MPP7: variants seen among roughly 807,000 people sequenced by gnomAD.
MPP7 encodes the protein MAGUK p55 scaffold protein 7.
A neutral mutation model predicts 76.5 loss-of-function variants in MPP7; 60 were observed. The ratio of observed to expected loss-of-function variants is 0.78; its 90% CI spans 0.64 to 0.97. The LOEUF is 0.97. Ranked by LOEUF, MPP7 falls within the 50% of genes least tolerant of loss-of-function variation. The probability of loss-of-function intolerance (pLI) is 0.00; values close to 1 mark genes in which losing one functional copy is unlikely to be tolerated. For missense variants in MPP7, 641 were observed against 694.0 expected (o/e 0.92, Z 0.86); for synonymous variants, 237 against 244.5 (o/e 0.97, Z 0.29).
At chr10:28,246,307 G>A (rs1348030242) in intron 1 of MPP7, among the ~76,000 whole-genome samples, 1 of 149,054 alleles carries the variant, frequency 6.7e-6, no homozygotes, top group African/African-American at 2.5e-5. Flanking sequence ...TCAAAGTGGT[G>A]AAAAAAAAAA....
chr10:28,148,401 G>A (rs941260854), intron 4 of MPP7, among the ~76,000 whole-genome samples: 2 of 152,054 alleles, frequency 1.3e-5, no homozygotes, highest in African/African-American at 2.4e-5. Context: ...TATGAAATAC[G>A]TGGCATATGT....
intron 1 of MPP7, among the ~76,000 whole-genome samples, chr10:28,273,993 C>T (rs989566673): frequency 6.6e-6 from 1 of 151,790 alleles, no homozygotes; most frequent in Admixed American, 6.6e-5. Flanking sequence ...GGCACGGTGG[C>T]TTATGCCTAT....
chr10:28,116,978 C>T (rs1003737923), intron 11 of MPP7, among the ~76,000 whole-genome samples: 3 of 152,008 alleles, frequency 2.0e-5, no homozygotes, highest in South Asian at 2.1e-4. Flanking sequence ...AGAGCTCTAG[C>T]ACAAATATAA....
chr10:28,275,837 G>C (rs1180700023), intron 1 of MPP7, among the ~76,000 whole-genome samples: 2 of 151,834 alleles, frequency 1.3e-5, no homozygotes, highest in Non-Finnish European at 2.9e-5. Context: ...ATTATGATAG[G>C]TCTCCAACTC....
intron 3 of MPP7, among the ~76,000 whole-genome samples, chr10:28,195,220 A>T (rs1192826204): frequency 1.3e-5 from 2 of 152,220 alleles, no homozygotes; most frequent in Non-Finnish European, 2.9e-5. Flanking sequence ...CAGGACAGTA[A>T]GAATCAAAAA....
At chr10:28,302,697 C>T (rs1172733301) in intron 1 of MPP7, among the ~76,000 whole-genome samples, 164 bp downstream of exon 1, 2 of 152,122 alleles carry the variant, frequency 1.3e-5, no homozygotes, top group Admixed American at 6.5e-5. Context: ...AGGTGCCCGC[C>T]GCGGGCTCCC....
intron 12 of MPP7, among the ~76,000 whole-genome samples, chr10:28,081,731 C>T (rs1022459971): frequency 1.6e-4 from 25 of 151,614 alleles, no homozygotes; most frequent in African/African-American, 5.8e-4. Flanking sequence ...GTCACTTTTC[C>T]CAATGGCTTT....
chr10:28,310,356 G>C (rs1007513027), intron 2 of MPP7, among the ~76,000 whole-genome samples: 1 of 151,952 alleles, frequency 6.6e-6, no homozygotes, highest in East Asian at 1.9e-4. Context: ...TGCAAAAATG[G>C]CCTAACACAC....
rs1027329783 is a variant in MPP7, at chr10:28,234,842, A to G, written c.37+3726T>C. 2.6e-5 allele frequency among the ~76,000 whole-genome samples: 4 copies of G among 152,192 alleles called. No individual in the cohort carries two copies. The South Asian group carries it at 6.2e-4, about 24-fold the overall frequency. ...TTTGTTTTTTTTGAGACAGGGTCTC[A>G]CTCCATCGCCCAGGCTGAAGTGCAG... On this transcript the variant is annotated intron_variant, in intron 2 of 16. Coordinates refer to ENST00000683449, the MANE Select transcript of MPP7 (RefSeq NM_001318170.2).
At chr10:28,327,452 G>A (rs1223281189) in intron 2 of MPP7, among the ~76,000 whole-genome samples, 3 of 152,044 alleles carry the variant, frequency 2.0e-5, no homozygotes, top group South Asian at 2.1e-4. Context: ...TTAGAAACTT[G>A]ATAAAGAACT....
intron 11 of MPP7, among the ~76,000 whole-genome samples, chr10:28,102,457 C>T (rs1853869429): frequency 6.6e-6 from 1 of 152,122 alleles, no homozygotes; most frequent in Non-Finnish European, 1.5e-5. Flanking sequence ...AGAATCATAC[C>T]ACATAGTGTA....
At chr10:28,284,777 G>A (rs146941149) in intron 1 of MPP7, among the ~76,000 whole-genome samples, 66 of 152,242 alleles carry the variant, frequency 4.3e-4, no homozygotes, top group African/African-American at 1.5e-3. Flanking sequence ...AACCTTGAAG[G>A]CAAGGATGCT....
At chr10:28,210,141 T>C (rs941531455) in intron 2 of MPP7, among the ~76,000 whole-genome samples, 1 of 152,188 alleles carries the variant, frequency 6.6e-6, no homozygotes, top group African/African-American at 2.4e-5. Context: ...AGACTCAGAC[T>C]GAGTTATGCC....
rs181615752 is a variant in MPP7, at chr10:28,325,634, C to T, written c.-132+4295G>A. ...TCAACTTCCCGAATAGCTGAGATTA[C>T]AGGCATGCACCACCATACCCGGCTA... On this transcript the variant is annotated intron_variant, in intron 2 of 11. Transcript: ENST00000441595. Among the ~76,000 whole-genome samples, 1,228 of 152,132 alleles carry T rather than the reference C, an allele frequency of 8.1e-3. 12 individuals are homozygous for T. The highest frequency in any genetic ancestry group is 0.028 in the African/African-American group (1,181 of 41,500).
In MPP7 at chr10:28,118,442, T is replaced by C. The variant is rs898754910; in HGVS notation, c.952+1209A>G. 3 of 984,794 alleles carry C rather than the reference T, an allele frequency of 3.0e-6. No individual in the cohort carries two copies. The African/African-American group carries it at 5.2e-5, about 17-fold the overall frequency. The allele number at this position is 984,794 out of a possible 1,614,324, so 61.0% of individuals were successfully genotyped here. On this transcript the variant is annotated intron_variant, in intron 11 of 16. Transcript: ENST00000683449. Reference sequence around the variant, plus strand: ...ATTTATTTCATCTTTAAGTGACACATTATCTTATCCCACATATGCCAAATA... The same window carrying C: ...ATTTATTTCATCTTTAAGTGACACACTATCTTATCCCACATATGCCAAATA...
At chr10:28,140,186 G>A (rs1835469490) in intron 5 of MPP7, among the ~76,000 whole-genome samples, 1 of 152,082 alleles carries the variant, frequency 6.6e-6, no homozygotes, top group South Asian at 2.1e-4. Context: ...GACAGCTAAG[G>A]AGCCCACTAT....
At chr10:28,089,978 AGAG>A in intron 11 of MPP7, 137 bp from the exon 12 acceptor site, 1 of 580,486 alleles carries the variant, frequency 1.7e-6, no homozygotes, top group Non-Finnish European at 2.9e-6. Flanking sequence ...CTAATGTTTT[AGAG>A]ACAGGGTCTC....
At chr10:28,197,741 C>G (rs1173513726) in intron 3 of MPP7, among the ~76,000 whole-genome samples, 2 of 152,148 alleles carry the variant, frequency 1.3e-5, no homozygotes, top group Non-Finnish European at 2.9e-5. Context: ...TAGTAACTGG[C>G]ATAGAGTATG....
At chr10:28,090,541 A>G (rs372723265) in intron 11 of MPP7, among the ~76,000 whole-genome samples, 33 of 152,252 alleles carry the variant, frequency 2.2e-4, no homozygotes, top group Admixed American at 1.4e-3. Context: ...AATGTAAACA[A>G]TAAGTTCTCT....
Sources: gnomAD v4.1 joint callset for allele counts (sites outside exome capture counted in the v4.1 genomes callset) on GRCh38, gnomAD v4.1.1 for gene constraint, MANE v1.5 for transcripts, NCBI Gene and HGNC (gene_info 2026-07-23, HGNC 2026-07-21) for gene names.